FRMD3: variants seen among roughly 807,000 people sequenced by gnomAD.
FRMD3 encodes FERM domain containing 3.
Under a neutral mutation model 70.2 loss-of-function variants are expected in FRMD3, and 33 were observed. The ratio of observed to expected loss-of-function variants is 0.47; its 90% CI spans 0.36 to 0.63. The LOEUF is 0.63. FRMD3 is among the 20% of genes least tolerant of loss of function. The probability of loss-of-function intolerance (pLI) is 0.00; values close to 1 mark genes in which losing one functional copy is unlikely to be tolerated. For missense variants in FRMD3, 632 were observed against 711.4 expected (o/e 0.89, Z 1.27); for synonymous variants, 279 against 255.9 (o/e 1.09, Z -0.86).
chr9:83,349,624 A>C, intron 4 of FRMD3, 55 bp downstream of exon 4: 11 of 1,298,874 alleles, frequency 8.5e-6, no homozygotes, highest in Middle Eastern at 1.8e-4. Context: ...GCAAGACCAA[A>C]GAGATTCTGG....
chr9:83,488,644 A>C (rs1329918500), intron 1 of FRMD3, among the ~76,000 whole-genome samples: 1 of 152,188 alleles, frequency 6.6e-6, no homozygotes, highest in Non-Finnish European at 1.5e-5. Flanking sequence ...CACTTTCTCC[A>C]CAAAGACCTC....
chr9:83,470,343 G>T (rs78020795), intron 1 of FRMD3, among the ~76,000 whole-genome samples: 2,655 of 152,256 alleles, frequency 0.017, 73 homozygotes, highest in African/African-American at 0.059. Context: ...GATCTGGGCT[G>T]CAGTCCTCAC....
At chr9:83,571,281 A>C in the FRMD3 span, among the ~76,000 whole-genome samples, 1 of 152,182 alleles carries the variant, frequency 6.6e-6, no homozygotes, top group African/African-American at 2.4e-5. Context: ...TAGAAGCAAC[A>C]AGAGGCCTTC....
intron 6 of FRMD3, among the ~76,000 whole-genome samples, chr9:83,314,125 C>G (rs1016359280): frequency 2.0e-5 from 3 of 152,180 alleles, no homozygotes; most frequent in Non-Finnish European, 2.9e-5. Flanking sequence ...GGCATGCCTT[C>G]TTGCTCAGGG....
At chr9:83,488,951 G>A (rs1828747784) in intron 1 of FRMD3, among the ~76,000 whole-genome samples, 1 of 147,808 alleles carries the variant, frequency 6.8e-6, no homozygotes, top group African/African-American at 2.5e-5. Flanking sequence ...CCCCTCAGCT[G>A]GAGCTTAGCC....
intron 1 of FRMD3, among the ~76,000 whole-genome samples, chr9:83,437,919 G>T (rs1487414439): frequency 7.2e-5 from 11 of 152,132 alleles, no homozygotes; most frequent in Admixed American, 7.2e-4. Context: ...GGATCCTCAA[G>T]AGCACAAAAG....
chr9:83,356,271 ATTTT>A lies in FRMD3; in HGVS notation c.296-6518_296-6515del, dbSNP rs869149609. Among the ~76,000 whole-genome samples, 391 of 94,418 alleles carry A rather than the reference ATTTT, an allele frequency of 4.1e-3. 1 individual carries two copies. Among genetic ancestry groups the A allele is most frequent in the African/African-American group, 0.013 (287 of 21,628 alleles). 61.9% of individuals were successfully genotyped at this position (94,418 alleles called of 152,430 possible). The stretch of plus-strand genomic sequence containing the variant: ...TGAGAGAGAAGCATCACTCAGCAGC[ATTTT>A]TTTTTTTTTTTTTTTTTTTTGACAG... On this transcript the variant is annotated intron_variant, in intron 3 of 13. Coordinates refer to ENST00000304195, the MANE Select transcript of FRMD3 (RefSeq NM_174938.6).
intron 1 of FRMD3, among the ~76,000 whole-genome samples, chr9:83,463,800 C>T (rs1828042725): frequency 1.3e-5 from 2 of 152,216 alleles, no homozygotes; most frequent in African/African-American, 4.8e-5. Context: ...GCTGCCCACC[C>T]CATAAAGAAA....
intron 1 of FRMD3, among the ~76,000 whole-genome samples, chr9:83,426,773 G>C (rs1003827271): frequency 2.6e-5 from 4 of 152,200 alleles, no homozygotes; most frequent in Non-Finnish European, 5.9e-5. Context: ...AGCTTTGAAG[G>C]GGTGGAGAGG....
At chr9:83,276,387 A>T (rs530398363) in intron 13 of FRMD3, 1 of 152,344 alleles carries the variant, frequency 6.6e-6, no homozygotes, top group Non-Finnish European at 1.5e-5. Context: ...GAGTAAAGGA[A>T]ATTACATTAT....
At chr9:83,380,484 C>T (rs753317551) in intron 2 of FRMD3, among the ~76,000 whole-genome samples, 15 of 152,000 alleles carry the variant, frequency 9.9e-5, no homozygotes, top group African/African-American at 1.7e-4. Flanking sequence ...TTTAATTTTG[C>T]GAGGCACAAC....
chr9:83,350,671 A>AG, intron 3 of FRMD3: 1 of 706,456 alleles, frequency 1.4e-6, no homozygotes, highest in Non-Finnish European at 1.7e-6. Context: ...AAGAAGAAAA[A>AG]GAAAAAAAAG....
intron 3 of FRMD3, among the ~76,000 whole-genome samples, chr9:83,370,989 A>G (rs1457165724): frequency 1.3e-5 from 2 of 152,198 alleles, no homozygotes; most frequent in Non-Finnish European, 2.9e-5. Context: ...TAAATTTCTC[A>G]CAAGTTTTAA....
In FRMD3 at chr9:83,423,346, A is replaced by G. The variant is rs1021683607; in HGVS notation, c.148-33638T>C. On this transcript the variant is annotated intron_variant, in intron 1 of 13. Coordinates refer to ENST00000304195, the MANE Select transcript of FRMD3 (RefSeq NM_174938.6). ...CTTGCACTCATCCCAGGGACTGTGC[A>G]CAGAGCCACAGTCATAGATGAGGAC... 1.6e-4 allele frequency among the ~76,000 whole-genome samples: 24 copies of G among 152,114 alleles called. 1 individual carries two copies. The highest frequency in any genetic ancestry group is 1.5e-3 in the Admixed American group (23 of 15,262).
At chr9:83,254,023 C>T (rs894484977) in intron 13 of FRMD3, among the ~76,000 whole-genome samples, 1 of 151,882 alleles carries the variant, frequency 6.6e-6, no homozygotes, top group African/African-American at 2.4e-5. Flanking sequence ...GGACAAAAAA[C>T]CAAACACCAC....
At chr9:83,349,782 T>C in intron 3 of FRMD3, 25 bp from the exon 4 acceptor site, 1 of 1,570,526 alleles carries the variant, frequency 6.4e-7, no homozygotes, top group South Asian at 1.1e-5. Flanking sequence ...AGAAAAGGCA[T>C]GAGAAAAGCA....
chr9:83,344,014 A>G (rs908377556), intron 4 of FRMD3, among the ~76,000 whole-genome samples: 36 of 152,342 alleles, frequency 2.4e-4, no homozygotes, highest in Non-Finnish European at 5.9e-5. Flanking sequence ...CTAGAAAAGC[A>G]CTTTGTCCAG....
the FRMD3 span, among the ~76,000 whole-genome samples, chr9:83,545,017 C>T: frequency 6.6e-6 from 1 of 152,010 alleles, no homozygotes; most frequent in Non-Finnish European, 1.5e-5. Flanking sequence ...AAATATCTAA[C>T]AATGGATCCT....
At chr9:83,251,344 AC>A (rs1349781724) in intron 13 of FRMD3, among the ~76,000 whole-genome samples, 1 of 152,206 alleles carries the variant, frequency 6.6e-6, no homozygotes, top group Non-Finnish European at 1.5e-5. Context: ...AAAAGACCCC[AC>A]AAAAACTTCA....
Sources: allele counts gnomAD v4.1 joint callset (sites outside exome capture counted in the v4.1 genomes callset), GRCh38; gene constraint gnomAD v4.1.1; transcripts MANE v1.5; gene names NCBI Gene and HGNC (gene_info 2026-07-23, HGNC 2026-07-21).